The following WWC2 variants were observed in gnomAD, a reference collection of about 807,000 sequenced individuals.
WWC2 encodes WW and C2 domain containing 2, also known as protein WWC2.
A neutral mutation model predicts 138.5 loss-of-function variants in WWC2; 101 were observed. The observed-to-expected ratio is 0.73, with a 90% CI of 0.62 to 0.86. WWC2 has a LOEUF of 0.86. Ranked by LOEUF, WWC2 falls within the 40% of genes least tolerant of loss-of-function variation. The probability of loss-of-function intolerance (pLI) is 0.00; values close to 1 mark genes in which losing one functional copy is unlikely to be tolerated. For synonymous variants in WWC2, 558 were observed against 538.4 expected (o/e 1.04, Z -0.50); for missense variants, 1,420 against 1,419.4 (o/e 1.00, Z -0.01).
intron 21 of WWC2, among the ~76,000 whole-genome samples, chr4:183,298,594 T>C (rs1241998691): frequency 3.3e-5 from 5 of 152,114 alleles, no homozygotes; most frequent in African/African-American, 1.2e-4. Context: ...CATCAGAAAA[T>C]AGGTAAATGA....
In WWC2 at chr4:183,118,847, A is replaced by G. The variant is rs531944127; in HGVS notation, c.131+19225A>G. On this transcript the variant is annotated intron_variant, in intron 1 of 22. Coordinates refer to ENST00000403733, the MANE Select transcript of WWC2 (RefSeq NM_024949.6). ...AGCCAGTTGTCTGACCGGGTTTACT[A>G]TTGTGACCAAAAAGAAGCTGTGTGT... Among the ~76,000 whole-genome samples, 6 of 152,174 alleles carry G rather than the reference A, an allele frequency of 3.9e-5. No individual in the cohort carries two copies. The South Asian group carries it at 8.3e-4, about 21-fold the overall frequency.
chr4:183,207,431 A>T (rs890412489), intron 2 of WWC2, among the ~76,000 whole-genome samples: 1 of 152,258 alleles, frequency 6.6e-6, no homozygotes, highest in African/African-American at 2.4e-5. Context: ...TTATCAACAG[A>T]TAAACAATAA....
Position 183,320,444 on chromosome 4 carries a change from T to C in WWC2, c.*4715T>C, listed in dbSNP as rs532091607. The C allele has an allele frequency of 3.0e-5, 17 of 573,348 alleles. No individual in the cohort carries two copies. The African/African-American group carries it at 3.0e-4, about 10-fold the overall frequency. The allele number at this position is 573,348 out of a possible 1,614,324, so 35.5% of individuals were successfully genotyped here. A position where few individuals can be genotyped will look rare whatever the true frequency, so the allele number is the denominator to read the frequency against. On this transcript the variant is annotated 3_prime_UTR_variant, in exon 23 of 23. Coordinates refer to ENST00000403733, the MANE Select transcript of WWC2 (RefSeq NM_024949.6). ...CAGTAATGCCAAGGTGTGGCCAAGA[T>C]TGTGTTTGTGTCCTGTGGGCTGGAT...
rs751722785 is a variant in WWC2 at position 183,220,534 on chromosome 4, T to TAA, written c.522+11525_522+11526dup. 7.9e-3 allele frequency among the ~76,000 whole-genome samples: 1,083 copies of TAA among 137,318 alleles called. 18 individuals are homozygous for TAA. Among genetic ancestry groups the TAA allele is most frequent in the African/African-American group, 0.028 (1,035 of 37,580 alleles). 90.1% of individuals were successfully genotyped at this position (137,318 alleles called of 152,430 possible). On this transcript the variant is annotated intron_variant, in intron 4 of 22. Transcript: ENST00000403733. ...GATTCCTGCCCTAGAGTATCCACTT[T>TAA]AAAAAAAAAAAAAAAAATGGCCGGG...
intron 1 of WWC2, among the ~76,000 whole-genome samples, chr4:183,116,003 A>G (rs1288623891): frequency 6.6e-6 from 1 of 152,150 alleles, no homozygotes; most frequent in African/African-American, 2.4e-5. Flanking sequence ...ATCCAGCTCT[A>G]GTTGACTTTT....
intron 1 of WWC2, among the ~76,000 whole-genome samples, chr4:183,150,383 C>G (rs1733604032): frequency 6.6e-6 from 1 of 152,070 alleles, no homozygotes; most frequent in South Asian, 2.1e-4. Flanking sequence ...ATTTTAATCT[C>G]AAAATCAAAG....
intron 21 of WWC2, 102 bp downstream of exon 21, chr4:183,289,737 CTT>C: frequency 3.4e-6 from 5 of 1,473,504 alleles, no homozygotes; most frequent in Non-Finnish European, 4.5e-6. Context: ...GCGCATAAGT[CTT>C]TAGATGTTTT....
At chr4:183,156,661 C>T (rs1733814892) in intron 1 of WWC2, among the ~76,000 whole-genome samples, 1 of 152,166 alleles carries the variant, frequency 6.6e-6, no homozygotes, top group Non-Finnish European at 1.5e-5. Flanking sequence ...CTCCCATCTA[C>T]TCTGCAGTGA....
rs1553967934 is a variant in WWC2 at position 183,208,974 on chromosome 4, T to C, written c.471T>C (p.Thr157=). The change falls in exon 4 of 23, where the codon ACT becomes ACC. Residue 157 remains threonine (T), a synonymous_variant. Coordinates refer to ENST00000403733, the MANE Select transcript of WWC2 (RefSeq NM_024949.6). ...TSLFSGSSSS[T]KYDPDILKAE... ...TATTCTCAGGATCTTCATCCAGTAC[T>C]AAATATGATCCCGATATTTTAAAAG... 4.5e-6 allele frequency: 7 copies of C among 1,568,466 alleles called. No individual in the cohort carries two copies. The highest frequency in any genetic ancestry group is 1.2e-5 in the South Asian group (1 of 85,326).
chr4:183,196,405 G>A (rs1735144236), intron 2 of WWC2, among the ~76,000 whole-genome samples: 1 of 152,154 alleles, frequency 6.6e-6, no homozygotes, highest in African/African-American at 2.4e-5. Context: ...CACCTGCCCA[G>A]CTTTCTTTTG....
chr4:183,255,446 A>G (rs994067738), intron 9 of WWC2, among the ~76,000 whole-genome samples: 6 of 152,244 alleles, frequency 3.9e-5, no homozygotes, highest in Non-Finnish European at 8.8e-5. Context: ...AGCTACGGAT[A>G]GTCATCAGTA....
intron 4 of WWC2, among the ~76,000 whole-genome samples, chr4:183,237,031 A>G (rs1736447469): frequency 6.6e-6 from 1 of 152,192 alleles, no homozygotes; most frequent in Non-Finnish European, 1.5e-5. Flanking sequence ...ACTAGTACTA[A>G]CAACAGCTGG....
intron 1 of WWC2, among the ~76,000 whole-genome samples, chr4:183,136,741 T>G (rs557628045): frequency 3.0e-4 from 45 of 152,348 alleles, no homozygotes; most frequent in Non-Finnish European, 4.7e-4. Context: ...GCAAAATTTT[T>G]TTAAAGCTCA....
At chr4:183,229,721 C>T (rs1736185274) in intron 4 of WWC2, among the ~76,000 whole-genome samples, 1 of 152,026 alleles carries the variant, frequency 6.6e-6, no homozygotes, top group Admixed American at 6.5e-5. Context: ...GACTAGTGCT[C>T]TTCATAAATG....
intron 2 of WWC2, among the ~76,000 whole-genome samples, chr4:183,207,411 T>A (rs2111238203): frequency 6.6e-6 from 1 of 152,338 alleles, no homozygotes; most frequent in East Asian, 1.9e-4. Context: ...CACAAAGAAA[T>A]GCATAGTATT....
chr4:183,259,583 C>CTAAA (rs2111353994), intron 9 of WWC2, 56 bp from the exon 10 acceptor site: 1 of 1,279,050 alleles, frequency 7.8e-7, no homozygotes, highest in Non-Finnish European at 1.1e-6. Context: ...TCTTTCTTTC[C>CTAAA]TTTTAGTTTT....
At chr4:183,111,498 T>G (rs1732231223) in intron 1 of WWC2, among the ~76,000 whole-genome samples, 1 of 152,160 alleles carries the variant, frequency 6.6e-6, no homozygotes, top group Admixed American at 6.5e-5. Context: ...GTCTTTTTTT[T>G]TCTTTGAAAC....
intron 1 of WWC2, among the ~76,000 whole-genome samples, chr4:183,186,619 A>G (rs903523415): frequency 2.0e-5 from 3 of 152,152 alleles, no homozygotes; most frequent in South Asian, 2.1e-4. Flanking sequence ...ATAATGAGAG[A>G]TGGAATGAGA....
intron 1 of WWC2, among the ~76,000 whole-genome samples, chr4:183,193,091 T>C (rs997359326): frequency 6.6e-6 from 1 of 152,200 alleles, no homozygotes; most frequent in Non-Finnish European, 1.5e-5. Context: ...ATGTACAAGA[T>C]ACTTATAAAA....
Sources: allele counts gnomAD v4.1 joint callset (sites outside exome capture counted in the v4.1 genomes callset), GRCh38; gene constraint gnomAD v4.1.1; transcripts MANE v1.5; gene names NCBI Gene and HGNC (gene_info 2026-07-23, HGNC 2026-07-21).